Variants in TMC2 observed in about 807,000 individuals in gnomAD.
TMC2 encodes transmembrane channel-like protein 2.
In TMC2, 102 loss-of-function variants were observed where a neutral mutation model predicts 105.9. The ratio of observed to expected loss-of-function variants is 0.96; its 90% CI spans 0.82 to 1.14. The LOEUF (loss-of-function observed/expected upper bound fraction) is 1.14. TMC2 is among the 50% of genes most tolerant of loss of function. TMC2 has a pLI of 0.00. For missense variants in TMC2, 1,093 were observed against 1,134.3 expected (o/e 0.96, Z 0.52); for synonymous variants, 402 against 422.8 (o/e 0.95, Z 0.60).
chr20:2,618,093 T>TA (rs1388081685), intron 16 of TMC2: 1 of 152,296 alleles, frequency 6.6e-6, no homozygotes, highest in East Asian at 1.9e-4. Flanking sequence ...TGCTGTGCTA[T>TA]GGAACACTGG....
chr20:2,571,710 A>G (rs942633329), intron 4 of TMC2, among the ~76,000 whole-genome samples: 3 of 152,196 alleles, frequency 2.0e-5, no homozygotes, highest in Non-Finnish European at 4.4e-5. Context: ...TTTTAAAATC[A>G]ATAATCTTGG....
chr20:2,607,339 T>G (rs2086401548), intron 11 of TMC2, among the ~76,000 whole-genome samples: 1 of 152,162 alleles, frequency 6.6e-6, no homozygotes, highest in Non-Finnish European at 1.5e-5. Context: ...TTCCCATTCC[T>G]TTATCTATAT....
chr20:2,544,226 G>T (rs1300716931), intron 2 of TMC2, among the ~76,000 whole-genome samples: 1 of 151,954 alleles, frequency 6.6e-6, no homozygotes, highest in African/African-American at 2.4e-5. Context: ...AGATTTTCCA[G>T]TTCTTTTTAG....
intron 19 of TMC2, among the ~76,000 whole-genome samples, chr20:2,640,858 C>A (rs1427133366): frequency 2.6e-5 from 4 of 152,096 alleles, no homozygotes; most frequent in East Asian, 3.8e-4. Flanking sequence ...ATTCTTGTCC[C>A]AATTTTGTAC....
chr20:2,549,504 A>T (rs2085944153), intron 2 of TMC2, among the ~76,000 whole-genome samples: 1 of 152,182 alleles, frequency 6.6e-6, no homozygotes. Flanking sequence ...GCACTTTGGG[A>T]GGCCAAGGCG....
At chr20:2,594,693 T>A in intron 8 of TMC2, 132 bp from the exon 9 acceptor site, 2 of 911,070 alleles carry the variant, frequency 2.2e-6, no homozygotes, top group Non-Finnish European at 3.3e-6. Context: ...AACAAGAACA[T>A]CTGGAACTCT....
rs2086276930 is a variant in TMC2 at position 2,592,533 on chromosome 20, A to G, written c.933+125A>G. The G allele has an allele frequency of 1.4e-6, 1 of 697,292 alleles. No homozygotes were observed. The highest frequency in any genetic ancestry group is 1.8e-5 in the African/African-American group (1 of 56,824). 43.2% of individuals were successfully genotyped at this position (697,292 alleles called of 1,614,324 possible). ...ATTGCTTTAATAGGATCCCAGCACT[A>G]AGCTAAATGAGCTTGCAAACCATGT... On this transcript the variant is annotated intron_variant, in intron 8 of 19. Transcript: ENST00000358864. The surrounding 1 kb of genome is among the most constrained non-coding windows in gnomAD (Gnocchi z 4.9).
intron 2 of TMC2, among the ~76,000 whole-genome samples, chr20:2,543,906 T>TC (rs1289482183): frequency 1.3e-5 from 2 of 150,972 alleles, no homozygotes; most frequent in African/African-American, 4.9e-5. Context: ...CATGTCAGTT[T>TC]TTTTTTTTTT....
rs1360422740 is a variant in TMC2 at position 2,612,177 on chromosome 20, A to G, written c.1594-14A>G. 3 of 1,579,648 alleles carry G rather than the reference A, an allele frequency of 1.9e-6. No homozygotes were observed. The highest frequency in any genetic ancestry group is 2.6e-6 in the Non-Finnish European group (3 of 1,155,720). On this transcript the variant is annotated splice_polypyrimidine_tract_variant and intron_variant, in intron 12 of 19. Transcript: ENST00000358864. ...TAGCTCCTTCCTACCCCACACCTCC[A>G]TCTTCTGTTCTAGCTTGCTAATGAA...
At chr20:2,548,595 A>G (rs192494776) in intron 2 of TMC2, among the ~76,000 whole-genome samples, 2,033 of 151,540 alleles carry the variant, frequency 0.013, 31 homozygotes, top group East Asian at 0.054. Flanking sequence ...CCAAGATAGC[A>G]CCATTGCACT....
At chr20:2,551,211 CA>C (rs2085954656) in intron 2 of TMC2, among the ~76,000 whole-genome samples, 1 of 152,168 alleles carries the variant, frequency 6.6e-6, no homozygotes, top group Non-Finnish European at 1.5e-5. Flanking sequence ...TCCCTAATGA[CA>C]TACCATGTTG....
intron 11 of TMC2, among the ~76,000 whole-genome samples, chr20:2,609,830 G>A (rs2086421920): frequency 6.6e-6 from 1 of 151,954 alleles, no homozygotes; most frequent in Non-Finnish European, 1.5e-5. Context: ...CTTTCCACTG[G>A]GTGAGCAGTT....
rs559630534 is a variant in TMC2 at position 2,537,986 on chromosome 20, C to A, written c.82+670C>A. ...GCGCCCCACACTAGTAGGCAAGAAA[C>A]CAGAATCTTGGGGAGTGATGGGGTT... On this transcript the variant is annotated intron_variant, in intron 2 of 19. Coordinates refer to ENST00000358864, the MANE Select transcript of TMC2 (RefSeq NM_080751.3). 1.3e-3 allele frequency among the ~76,000 whole-genome samples: 192 copies of A among 152,274 alleles called. 2 individuals carry two copies. Among genetic ancestry groups the A allele is most frequent in the African/African-American group, 4.4e-3 (184 of 41,554 alleles).
rs112930935 is a variant in TMC2 at position 2,568,153 on chromosome 20, G to A, written c.555-4026G>A. On this transcript the variant is annotated intron_variant, in intron 4 of 19. Coordinates refer to ENST00000358864, the MANE Select transcript of TMC2 (RefSeq NM_080751.3). Reference sequence around the variant, plus strand: ...ATTCAAGAAGCAAAACAAATCCCAAGCAGGATAAACCCAAAGCAAAGAAAT... The same window carrying A: ...ATTCAAGAAGCAAAACAAATCCCAAACAGGATAAACCCAAAGCAAAGAAAT... Among the ~76,000 whole-genome samples the A allele has an allele frequency of 2.7e-3, 412 of 152,244 alleles. 3 individuals carry two copies. Among genetic ancestry groups the A allele is most frequent in the African/African-American group, 8.1e-3 (336 of 41,538 alleles).
intron 5 of TMC2, among the ~76,000 whole-genome samples, chr20:2,573,855 C>T (rs1206321240): frequency 2.0e-5 from 3 of 152,134 alleles, no homozygotes; most frequent in Non-Finnish European, 2.9e-5. Context: ...CCACCACGCC[C>T]GGCCTCTCTC....
intron 4 of TMC2, among the ~76,000 whole-genome samples, chr20:2,562,605 T>G (rs2086035267): frequency 6.6e-6 from 1 of 152,212 alleles, no homozygotes; most frequent in African/African-American, 2.4e-5. Flanking sequence ...TTCTTTGGTT[T>G]CCATGCAAAA....
intron 4 of TMC2, among the ~76,000 whole-genome samples, chr20:2,568,747 T>A (rs1403332004): frequency 6.6e-6 from 1 of 152,086 alleles, no homozygotes; most frequent in Admixed American, 6.5e-5. Flanking sequence ...TGGCAGGACA[T>A]CTCCTGCCAA....
chr20:2,561,869 T>C lies in TMC2; in HGVS notation c.413T>C (p.Leu138Ser). 1 of 1,613,874 alleles carries C rather than the reference T, an allele frequency of 6.2e-7. No homozygotes were observed. The highest frequency in any genetic ancestry group is 1.1e-5 in the South Asian group (1 of 91,034). The part of the protein sequence containing the change: ...KRQKKPRSSS[L>S]ASSASGGESL... Reference sequence around the variant, plus strand: ...GGCTCTGCCTCCAGGTCATCCTCCTTGGCCTCCAGTGCCTCTGGTGGGGAG... The same window carrying C: ...GGCTCTGCCTCCAGGTCATCCTCCTCGGCCTCCAGTGCCTCTGGTGGGGAG... Residue 138 changes from leucine to serine, a missense_variant, in exon 4 of 20, where the codon TTG (leucine) becomes TCG (serine). Physicochemically the swap from Leu to Ser is moderately radical, Grantham distance 145 (BLOSUM62 -2). Transcript: ENST00000358864.
intron 2 of TMC2, among the ~76,000 whole-genome samples, chr20:2,544,472 T>G (rs2085911049): frequency 6.6e-6 from 1 of 152,202 alleles, no homozygotes; most frequent in South Asian, 2.1e-4. Context: ...CTCATCAAAT[T>G]ACCCAATTTC....
Sources: allele counts gnomAD v4.1 joint callset (sites outside exome capture counted in the v4.1 genomes callset), GRCh38; gene constraint gnomAD v4.1.1; non-coding constraint Gnocchi (gnomAD v3.1); transcripts MANE v1.5; gene names NCBI Gene and HGNC (gene_info 2026-07-23, HGNC 2026-07-21).